Variants in SGCD observed in about 807,000 individuals in gnomAD.
SGCD encodes delta-sarcoglycan.
Under a neutral mutation model 36.6 loss-of-function variants are expected in SGCD, and 18 were observed. The ratio of observed to expected loss-of-function variants is 0.49; its 90% CI spans 0.34 to 0.73. The LOEUF (loss-of-function observed/expected upper bound fraction) is 0.73. Ranked by LOEUF, SGCD falls within the 30% of genes least tolerant of loss-of-function variation. The pLI is 0.01. For missense variants in SGCD, 387 were observed against 346.7 expected, an observed-to-expected ratio of 1.12 and a Z score of -0.92; for synonymous variants, 133 against 130.6, an observed-to-expected ratio of 1.02 and a Z score of -0.12.
At chr5:155,890,442 T>C (rs931734230) in intron 1 of SGCD, among the ~76,000 whole-genome samples, 5 of 152,034 alleles carry the variant, frequency 3.3e-5, no homozygotes, top group Non-Finnish European at 1.5e-5. Flanking sequence ...CTGGGCACCA[T>C]GGTGGAACCT....
the SGCD span, among the ~76,000 whole-genome samples, chr5:155,756,340 G>A: frequency 6.6e-6 from 1 of 152,190 alleles, no homozygotes; most frequent in Non-Finnish European, 1.5e-5. Flanking sequence ...TCTAGAGGTC[G>A]AGAAAGTTTA....
intron 3 of SGCD, among the ~76,000 whole-genome samples, chr5:156,418,200 T>C (rs1490276989): frequency 6.6e-6 from 1 of 152,160 alleles, no homozygotes; most frequent in East Asian, 1.9e-4. Context: ...CCCAAACTGG[T>C]CATGGATGTG....
chr5:156,497,139 C>T (rs1192175971), intron 3 of SGCD, among the ~76,000 whole-genome samples: 7 of 151,796 alleles, frequency 4.6e-5, no homozygotes, highest in Non-Finnish European at 1.0e-4. Flanking sequence ...TATTAAAATG[C>T]TCTCCCTCGT....
chr5:155,966,817 G>A (rs1017950765), intron 1 of SGCD, among the ~76,000 whole-genome samples: 8 of 152,076 alleles, frequency 5.3e-5, no homozygotes, highest in Non-Finnish European at 7.4e-5. Flanking sequence ...CAGATGATCA[G>A]CAAATGTTAA....
intron 1 of SGCD, among the ~76,000 whole-genome samples, chr5:156,040,066 T>C (rs1424401672): frequency 6.6e-6 from 1 of 152,206 alleles, no homozygotes; most frequent in African/African-American, 2.4e-5. Context: ...AGAGCTGTCA[T>C]CCAGCTTCTG....
chr5:155,888,510 C>G (rs1292674959), intron 1 of SGCD, among the ~76,000 whole-genome samples: 1 of 152,076 alleles, frequency 6.6e-6, no homozygotes. Flanking sequence ...AATAGGGACG[C>G]AAAGAAGCAG....
chr5:156,151,780 G>A (rs1351899615), intron 3 of SGCD, among the ~76,000 whole-genome samples: 2 of 151,428 alleles, frequency 1.3e-5, no homozygotes, highest in Non-Finnish European at 2.9e-5. Flanking sequence ...ATTTTTTTAA[G>A]ATACAGCTGG....
intron 1 of SGCD, among the ~76,000 whole-genome samples, chr5:156,088,875 A>C (rs1761167172): frequency 6.6e-6 from 1 of 152,144 alleles, no homozygotes; most frequent in African/African-American, 2.4e-5. Flanking sequence ...GCTAGGGTGA[A>C]GCCACCTTTA....
chr5:155,914,865 A>G (rs998468195), intron 1 of SGCD, among the ~76,000 whole-genome samples: 1 of 152,226 alleles, frequency 6.6e-6, no homozygotes, highest in African/African-American at 2.4e-5. Flanking sequence ...CTTTGAAATC[A>G]TGCAATTCTT....
chr5:156,477,263 C>T (rs556721964), intron 3 of SGCD, among the ~76,000 whole-genome samples: 46 of 152,046 alleles, frequency 3.0e-4, no homozygotes, highest in Non-Finnish European at 4.4e-4. Flanking sequence ...TTGGGAGATC[C>T]GGTACATTGA....
Position 156,335,514 on chromosome 5 carries a change from A to G in SGCD, c.3+5935A>G, listed in dbSNP as rs560452830. On this transcript the variant is annotated intron_variant, in intron 2 of 8. Coordinates refer to ENST00000337851, the MANE Select transcript of SGCD (RefSeq NM_000337.6). ...CCAGTCTTCCTTCCCCTTGAAGTCC[A>G]GATTCGTTTCCAAGTGCCATCATAG... is the stretch of plus-strand genomic sequence containing the variant. Among the ~76,000 whole-genome samples, 18 of 152,254 alleles carry G rather than the reference A, an allele frequency of 1.2e-4. No homozygotes were observed. The South Asian group carries it at 3.7e-3, about 32-fold the overall frequency.
At chr5:156,525,230 AT>A (rs1166025271) in intron 4 of SGCD, among the ~76,000 whole-genome samples, 1 of 152,054 alleles carries the variant, frequency 6.6e-6, no homozygotes, top group Non-Finnish European at 1.5e-5. Flanking sequence ...CCTTGCCAAC[AT>A]TTGTTATCTT....
chr5:156,463,292 T>C lies in SGCD; in HGVS notation c.193-45309T>C, dbSNP rs566488428. Among the ~76,000 whole-genome samples, 5 of 152,272 alleles carry C rather than the reference T, an allele frequency of 3.3e-5. No individual in the cohort carries two copies. In the East Asian group the frequency reaches 9.7e-4, roughly 29 times the overall value. Reference sequence around the variant, plus strand: ...CTCCTGACCTTGTGATCTGCCTTCCTTGGCCTCCCCAAGTGCTGGGATTAC... The same window carrying C: ...CTCCTGACCTTGTGATCTGCCTTCCCTGGCCTCCCCAAGTGCTGGGATTAC... On this transcript the variant is annotated intron_variant, in intron 3 of 8. Transcript: ENST00000337851.
At chr5:156,693,875 T>C (rs183459965) in intron 7 of SGCD, among the ~76,000 whole-genome samples, 2 of 152,312 alleles carry the variant, frequency 1.3e-5, no homozygotes, top group Non-Finnish European at 2.9e-5. Flanking sequence ...TTTTACATGG[T>C]AAGAATCGGG....
At chr5:156,700,269 T>C (rs979472266) in intron 7 of SGCD, among the ~76,000 whole-genome samples, 3 of 152,082 alleles carry the variant, frequency 2.0e-5, no homozygotes, top group Non-Finnish European at 4.4e-5. Context: ...CGGTCTGTTC[T>C]CTGTTGTACC....
chr5:155,942,326 G>C (rs112124160), intron 1 of SGCD, among the ~76,000 whole-genome samples: 41,760 of 110,464 alleles, frequency 0.38, 6,730 homozygotes, highest in Admixed American at 0.5. Context: ...ATGTATGTAT[G>C]TATGTATGTA....
chr5:156,223,342 G>C (rs1335829334), intron 3 of SGCD, among the ~76,000 whole-genome samples: 1 of 152,072 alleles, frequency 6.6e-6, no homozygotes, highest in Non-Finnish European at 1.5e-5. Flanking sequence ...AGTTATAAGA[G>C]TACCTAGAAA....
intron 3 of SGCD, among the ~76,000 whole-genome samples, chr5:156,433,214 TTC>T (rs1753098165): frequency 6.6e-6 from 1 of 152,188 alleles, no homozygotes; most frequent in Non-Finnish European, 1.5e-5. Flanking sequence ...GCTCTAATCA[TTC>T]TCTCTCTGTT....
intron 6 of SGCD, among the ~76,000 whole-genome samples, chr5:156,628,538 G>A (rs1163550326): frequency 2.0e-5 from 3 of 152,168 alleles, no homozygotes; most frequent in Non-Finnish European, 2.9e-5. Context: ...ATGAGAACAT[G>A]GGCTGGGATT....
Sources: gnomAD v4.1 joint callset for allele counts (sites outside exome capture counted in the v4.1 genomes callset) on GRCh38, gnomAD v4.1.1 for gene constraint, MANE v1.5 for transcripts, NCBI Gene and HGNC (gene_info 2026-07-23, HGNC 2026-07-21) for gene names.